CNTN6: variants seen among roughly 807,000 people sequenced by gnomAD.
CNTN6 encodes the protein contactin-6.
CNTN6 carries 137 observed loss-of-function variants against 122.8 expected under a neutral mutation model. The ratio of observed to expected loss-of-function variants is 1.12; its 90% CI spans 0.97 to 1.29. CNTN6 has a LOEUF of 1.29. Among genes scored for constraint, CNTN6 ranks in the 50% most tolerant of loss-of-function variants. The probability of loss-of-function intolerance (pLI) is 0.00; values close to 1 mark genes in which losing one functional copy is unlikely to be tolerated. For missense variants in CNTN6, 1,634 were observed against 1,223.4 expected, an observed-to-expected ratio of 1.34 and a Z score of -5.01; for synonymous variants, 570 against 426.0, an observed-to-expected ratio of 1.34 and a Z score of -4.16.
At chr3:1,325,992 T>C (rs1701491903) in intron 9 of CNTN6, 41 bp downstream of exon 9, 2 of 1,571,144 alleles carry the variant, frequency 1.3e-6, no homozygotes, top group African/African-American at 1.4e-5. Flanking sequence ...CCTACTCTAC[T>C]AGGTAAATTT....
intron 4 of CNTN6, among the ~76,000 whole-genome samples, chr3:1,238,323 C>G (rs2094445343): frequency 6.6e-6 from 1 of 152,106 alleles, no homozygotes; most frequent in African/African-American, 2.4e-5. Flanking sequence ...TTCAAAGCAA[C>G]AGCAGTTTAA....
intron 2 of CNTN6, among the ~76,000 whole-genome samples, chr3:1,215,646 C>A (rs1211734379): frequency 6.6e-6 from 1 of 151,942 alleles, no homozygotes; most frequent in Non-Finnish European, 1.5e-5. Flanking sequence ...GTTATGTTTT[C>A]TTTTAGATTG....
At chr3:1,171,007 G>T (rs77673442) in intron 2 of CNTN6, among the ~76,000 whole-genome samples, 1 of 152,160 alleles carries the variant, frequency 6.6e-6, no homozygotes, top group South Asian at 2.1e-4. Flanking sequence ...TGGGGTAGGG[G>T]TAGTGCCAAT....
At chr3:1,381,745 T>C (rs543298065) in intron 17 of CNTN6, among the ~76,000 whole-genome samples, 1 of 152,322 alleles carries the variant, frequency 6.6e-6, no homozygotes, top group East Asian at 1.9e-4. Context: ...TTCTATTGCC[T>C]CACTGTTCCT....
chr3:1,349,966 T>C (rs1705370521), intron 11 of CNTN6, among the ~76,000 whole-genome samples: 2 of 151,904 alleles, frequency 1.3e-5, no homozygotes, highest in South Asian at 4.1e-4. Context: ...TTTTAAAGTT[T>C]ATTTTAATAA....
At chr3:1,275,135 G>T (rs572291302) in intron 4 of CNTN6, among the ~76,000 whole-genome samples, 3 of 152,092 alleles carry the variant, frequency 2.0e-5, no homozygotes, top group East Asian at 3.9e-4. Context: ...CACCCTTCAG[G>T]CTTTACAAGG....
At chr3:1,259,414 C>G (rs1413635901) in intron 4 of CNTN6, among the ~76,000 whole-genome samples, 2 of 152,022 alleles carry the variant, frequency 1.3e-5, no homozygotes, top group Non-Finnish European at 2.9e-5. Context: ...ATATTTTTGT[C>G]TAAGTAAGTT....
chr3:1,283,722 G>A (rs1326325735), intron 5 of CNTN6, among the ~76,000 whole-genome samples: 1 of 152,116 alleles, frequency 6.6e-6, no homozygotes, highest in Non-Finnish European at 1.5e-5. Flanking sequence ...ACTCTCGGCG[G>A]GGCTCAGTGG....
chr3:1,216,848 A>G (rs570041362), intron 2 of CNTN6, among the ~76,000 whole-genome samples: 7 of 152,204 alleles, frequency 4.6e-5, no homozygotes, highest in Admixed American at 2.0e-4. Context: ...GGTGAAAACA[A>G]TGGAGAGGGA....
chr3:1,163,475 G>A lies in CNTN6; in HGVS notation c.55+15412G>A, dbSNP rs536621341. 3.3e-5 allele frequency among the ~76,000 whole-genome samples: 5 copies of A among 152,244 alleles called. No homozygotes were observed. In the East Asian group the frequency reaches 7.7e-4, roughly 24 times the overall value. ...CAGTCAGGCTGGAGTGCAGTGACGC[G>A]ATCATAGCTCACTACAGCCTCGAAC... is the stretch of plus-strand genomic sequence containing the variant. On this transcript the variant is annotated intron_variant, in intron 2 of 22. Coordinates refer to ENST00000446702, the MANE Select transcript of CNTN6 (RefSeq NM_001289080.2).
intron 11 of CNTN6, among the ~76,000 whole-genome samples, chr3:1,330,634 A>T (rs1299197240): frequency 3.3e-5 from 5 of 151,906 alleles, no homozygotes; most frequent in Non-Finnish European, 5.9e-5. Context: ...CAGATATGCA[A>T]TTAAATCCTA....
chr3:1,337,263 C>A (rs1308378683), intron 11 of CNTN6, among the ~76,000 whole-genome samples: 1 of 152,064 alleles, frequency 6.6e-6, no homozygotes, highest in East Asian at 1.9e-4. Context: ...GTGGAGGCAC[C>A]AGCTAATGGG....
At chr3:1,233,942 A>C (rs1319110176) in intron 4 of CNTN6, among the ~76,000 whole-genome samples, 1 of 152,124 alleles carries the variant, frequency 6.6e-6, no homozygotes, top group Non-Finnish European at 1.5e-5. Context: ...AAATGGTTCA[A>C]GGTTAAAATG....
At chr3:1,399,822 C>T (rs74534718) in intron 20 of CNTN6, among the ~76,000 whole-genome samples, 3,214 of 152,160 alleles carry the variant, frequency 0.021, 111 homozygotes, top group African/African-American at 0.072. Flanking sequence ...CACTTGCCCT[C>T]AAGAAATTTA....
At chr3:1,205,886 C>A (rs1030149180) in intron 2 of CNTN6, among the ~76,000 whole-genome samples, 7 of 151,994 alleles carry the variant, frequency 4.6e-5, no homozygotes, top group African/African-American at 1.7e-4. Flanking sequence ...GTTACAAAAG[C>A]AAACAAGCAA....
At chr3:1,260,294 G>A (rs1273250461) in intron 4 of CNTN6, among the ~76,000 whole-genome samples, 1 of 152,070 alleles carries the variant, frequency 6.6e-6, no homozygotes, top group Admixed American at 6.6e-5. Context: ...GTGGCTTCCG[G>A]ATGGGGGTTC....
At chr3:1,325,326 A>T (rs777936102) in intron 8 of CNTN6, among the ~76,000 whole-genome samples, 5 of 151,866 alleles carry the variant, frequency 3.3e-5, no homozygotes, top group Non-Finnish European at 5.9e-5. Context: ...TTTCTACCAA[A>T]ATGCCAGGAA....
chr3:1,372,056 T>C (rs776878633), intron 12 of CNTN6, among the ~76,000 whole-genome samples: 25 of 152,156 alleles, frequency 1.6e-4, no homozygotes, highest in Non-Finnish European at 5.9e-5. Context: ...GGTCTACAGT[T>C]TTCTGTAAAC....
intron 6 of CNTN6, among the ~76,000 whole-genome samples, chr3:1,297,481 C>T (rs981713152): frequency 1.3e-5 from 2 of 152,028 alleles, no homozygotes; most frequent in Admixed American, 6.6e-5. Context: ...GCGGCAAAAC[C>T]TTATTGTACT....
Sources: gnomAD v4.1 joint callset for allele counts (sites outside exome capture counted in the v4.1 genomes callset) on GRCh38, gnomAD v4.1.1 for gene constraint, MANE v1.5 for transcripts, NCBI Gene and HGNC (gene_info 2026-07-23, HGNC 2026-07-21) for gene names.